Variants in MGA observed in about 807,000 individuals in gnomAD.
The protein encoded by MGA is MAX gene-associated protein.
MGA carries 40 observed loss-of-function variants against 261.1 expected under a neutral mutation model. That is an observed-to-expected ratio of 0.15 (90% confidence interval 0.12 to 0.20). The LOEUF (loss-of-function observed/expected upper bound fraction) is 0.20, where lower values mean the gene tolerates loss of function less well. Ranked by LOEUF, MGA falls within the 10% of genes least tolerant of loss-of-function variation. MGA has a pLI of 1.00. For synonymous variants in MGA, 1,302 were observed against 1,290.6 expected, an observed-to-expected ratio of 1.01 and a Z score of -0.19; for missense variants, 3,397 against 3,630.5, an observed-to-expected ratio of 0.94 and a Z score of 1.65.
chr15:41,709,416 T>C (rs2060274191), intron 7 of MGA, among the ~76,000 whole-genome samples: 1 of 152,016 alleles, frequency 6.6e-6, no homozygotes, highest in African/African-American at 2.4e-5. Flanking sequence ...TTCTCTAATG[T>C]TTTGTATCAC....
chr15:41,684,350 T>C, intron 2 of MGA: 1 of 447,440 alleles, frequency 2.2e-6, no homozygotes, highest in Non-Finnish European at 4.5e-6. Context: ...ACAAAAAAAA[T>C]CCTTTTAATT....
intron 1 of MGA, among the ~76,000 whole-genome samples, chr15:41,626,450 TTTACTC>T (rs1423395185): frequency 2.6e-5 from 4 of 152,004 alleles, no homozygotes; most frequent in African/African-American, 9.7e-5. Flanking sequence ...TAGACGGAGT[TTTACTC>T]TTGTTGCCCA....
intron 2 of MGA, among the ~76,000 whole-genome samples, chr15:41,674,347 C>T (rs1014696229): frequency 2.6e-5 from 4 of 151,496 alleles, no homozygotes; most frequent in Non-Finnish European, 4.4e-5. Context: ...AGGTGCCTAC[C>T]ACCATGCCCG....
At chr15:41,759,760 A>G (rs1419576524) in intron 19 of MGA, among the ~76,000 whole-genome samples, 1 of 152,178 alleles carries the variant, frequency 6.6e-6, no homozygotes, top group East Asian at 1.9e-4. Context: ...GTTAAGTTTT[A>G]AATGTTATGG....
At chr15:41,622,504 A>G (rs2056329179) in intron 1 of MGA, among the ~76,000 whole-genome samples, 1 of 152,120 alleles carries the variant, frequency 6.6e-6, no homozygotes, top group South Asian at 2.1e-4. Flanking sequence ...GTCTATCTTT[A>G]TCATTCCCAT....
intron 2 of MGA, 59 bp from the exon 3 acceptor site, chr15:41,696,015 CA>C (rs1323934778): frequency 1.8e-6 from 2 of 1,118,554 alleles, no homozygotes; most frequent in Non-Finnish European, 2.5e-6. Flanking sequence ...TTTTTCTCTT[CA>C]AGTCTTGTTA....
At chr15:41,761,605 A>G (rs2063462716) in intron 20 of MGA, 134 bp from the exon 21 acceptor site, 1 of 578,306 alleles carries the variant, frequency 1.7e-6, no homozygotes, top group Non-Finnish European at 3.1e-6. Context: ...AACATCAACA[A>G]TTGTTAATGG....
rs762892302 is a variant in MGA, at chr15:41,669,850, A to G, written c.956A>G (p.Lys319Arg). ...TCAAGGGGTCATGAAACATCAGGCA[A>G]GGGTTTGGAGAAGACTTCCCTTAAT... Residue 319 changes from lysine to arginine, a missense_variant, in exon 2 of 24, where the codon AAG (lysine) becomes AGG (arginine). Lys to Arg is a conservative substitution (Grantham distance 26, BLOSUM62 2). Coordinates refer to ENST00000219905, the MANE Select transcript of MGA (RefSeq NM_001164273.2). 1.2e-6 allele frequency: 2 copies of G among 1,614,000 alleles called. No homozygotes were observed. Among genetic ancestry groups the G allele is most frequent in the Non-Finnish European group, 1.7e-6 (2 of 1,179,896 alleles).
intron 9 of MGA, among the ~76,000 whole-genome samples, chr15:41,720,697 G>A (rs192655681): frequency 9.9e-5 from 15 of 152,236 alleles, no homozygotes; most frequent in Admixed American, 3.3e-4. Flanking sequence ...GCCGGGCATG[G>A]TGGTGTGCGC....
chr15:41,736,747 T>A (rs578208168), intron 13 of MGA, 49 bp downstream of exon 13: 1 of 1,479,638 alleles, frequency 6.8e-7, no homozygotes, highest in Non-Finnish European at 9.0e-7. Flanking sequence ...TACACCTAGG[T>A]AGTATCATGA....
At chr15:41,744,872 G>T (rs960194591) in intron 15 of MGA, among the ~76,000 whole-genome samples, 3 of 151,980 alleles carry the variant, frequency 2.0e-5, no homozygotes, top group Non-Finnish European at 4.4e-5. Context: ...AAATGTGTGT[G>T]TGTTTGTTTA....
chr15:41,750,655 T>G, intron 17 of MGA, 40 bp downstream of exon 17: 3 of 1,512,630 alleles, frequency 2.0e-6, no homozygotes, highest in Non-Finnish European at 2.7e-6. Flanking sequence ...ACCTAAAGGA[T>G]TTAAATGATT....
chr15:41,763,731 G>A (rs528980109), intron 22 of MGA, among the ~76,000 whole-genome samples: 45 of 151,946 alleles, frequency 3.0e-4, no homozygotes, highest in Non-Finnish European at 5.4e-4. Context: ...CAACAAGCAC[G>A]AAACTCTGTC....
chr15:41,622,715 T>G (rs1271834135), intron 1 of MGA, among the ~76,000 whole-genome samples: 1 of 152,164 alleles, frequency 6.6e-6, no homozygotes, highest in East Asian at 1.9e-4. Context: ...TTCCACTTGG[T>G]GGGCTATCTT....
chr15:41,761,637 T>C lies in MGA; in HGVS notation c.7399-102T>C, dbSNP rs1268079398. 1.3e-5 allele frequency: 8 copies of C among 603,286 alleles called. No homozygotes were observed. The African/African-American group carries it at 1.5e-4, about 12-fold the overall frequency. The allele number at this position is 603,286 out of a possible 1,614,324, so 37.4% of individuals were successfully genotyped here. ...ATGGAATTTAAAAATTCTCTTAAGA[T>C]GTCAGATTAAGTTTTTTTTCATTAG... On this transcript the variant is annotated intron_variant, in intron 20 of 23. Transcript: ENST00000219905.
At chr15:41,630,553 G>A (rs2056566997) in intron 1 of MGA, among the ~76,000 whole-genome samples, 1 of 152,154 alleles carries the variant, frequency 6.6e-6, no homozygotes, top group Non-Finnish European at 1.5e-5. Flanking sequence ...ATTATGTCAA[G>A]TTGTTGGTTT....
At chr15:41,753,336 G>T (rs979825363) in intron 17 of MGA, among the ~76,000 whole-genome samples, 1 of 151,676 alleles carries the variant, frequency 6.6e-6, no homozygotes, top group Admixed American at 6.6e-5. Flanking sequence ...TTTGAATCCC[G>T]GGAGGTGGGC....
intron 13 of MGA, among the ~76,000 whole-genome samples, chr15:41,737,838 G>A (rs1022369907): frequency 4.6e-5 from 7 of 151,958 alleles, no homozygotes; most frequent in African/African-American, 1.4e-4. Context: ...AAGTTAGCCC[G>A]GCGTGGTGGC....
Position 41,757,822 on chromosome 15 carries a change from G to A in MGA, c.7174G>A (p.Ala2392Thr). The stretch of plus-strand genomic sequence containing the variant: ...TCACATCTCTGCAGATGAAAAAGCA[G>A]CTGAAAGGAGTCGAAAGGTATTTAG... Residue 2392 changes from alanine to threonine, a missense_variant, in exon 19 of 24, where the codon GCT becomes ACT. Around this residue, in one of 9 missense-constraint regions of MGA, gnomAD observed 1,410 missense variants for 1,386.4 expected, o/e 1.02. Coordinates refer to ENST00000219905, the MANE Select transcript of MGA (RefSeq NM_001164273.2). The A allele has an allele frequency of 1.2e-6, 2 of 1,609,630 alleles. No individual in the cohort carries two copies. Among genetic ancestry groups the A allele is most frequent in the Non-Finnish European group, 1.7e-6 (2 of 1,176,532 alleles).
Sources: gnomAD v4.1 joint callset for allele counts (sites outside exome capture counted in the v4.1 genomes callset) on GRCh38, gnomAD v4.1.1 for gene constraint, gnomAD v4.1.1 regional missense constraint, MANE v1.5 for transcripts, NCBI Gene and HGNC (gene_info 2026-07-23, HGNC 2026-07-21) for gene names.